Variants in DAP observed in about 807,000 individuals in gnomAD.
DAP encodes death-associated protein 1.
DAP carries 8 observed loss-of-function variants against 13.8 expected under a neutral mutation model. That is an observed-to-expected ratio of 0.58 (90% CI 0.34 to 1.05). The LOEUF (loss-of-function observed/expected upper bound fraction) is 1.05. Among genes scored for constraint, DAP ranks in the 50% least tolerant of loss-of-function variants. DAP has a pLI of 0.03. For missense variants in DAP, 106 were observed against 133.2 expected, an observed-to-expected ratio of 0.80 and a Z score of 1.01; for synonymous variants, 47 against 47.5, an observed-to-expected ratio of 0.99 and a Z score of 0.04.
At chr5:10,749,743 C>T (rs1256732192) in intron 1 of DAP, among the ~76,000 whole-genome samples, 4 of 118,634 alleles carry the variant, frequency 3.4e-5, no homozygotes, top group African/African-American at 6.3e-5. Context: ...GACCACACAA[C>T]TTTTTTTTTT....
intron 2 of DAP, among the ~76,000 whole-genome samples, chr5:10,740,510 G>A (rs1324183478): frequency 2.6e-5 from 4 of 152,038 alleles, no homozygotes; most frequent in Admixed American, 1.3e-4. Flanking sequence ...TTGAAAAACA[G>A]AAATAAAGAG....
In DAP at chr5:10,715,594, G is replaced by A. The variant is rs142412564; in HGVS notation, c.153-32023C>T. On this transcript the variant is annotated intron_variant, in intron 2 of 3. Transcript: ENST00000230895. ...AAAGGTACTTTTGAAGAAGCTGCTG[G>A]GTCATTTCTAGGTACATAGCACCTC... Among the ~76,000 whole-genome samples the A allele has an allele frequency of 4.5e-3, 685 of 152,282 alleles. 4 individuals are homozygous for A. The highest frequency in any genetic ancestry group is 0.015 in the African/African-American group (628 of 41,566).
At chr5:10,682,378 C>T (rs185062618) in intron 3 of DAP, among the ~76,000 whole-genome samples, 38 of 148,872 alleles carry the variant, frequency 2.6e-4, no homozygotes, top group Non-Finnish European at 4.7e-4. Context: ...CCACCAGTGT[C>T]GCTGGAGGAA....
intron 2 of DAP, among the ~76,000 whole-genome samples, chr5:10,741,749 C>T (rs369784453): frequency 1.3e-5 from 2 of 152,214 alleles, no homozygotes; most frequent in Non-Finnish European, 2.9e-5. Context: ...ATCAAACACA[C>T]GTAGCACCTT....
intron 2 of DAP, among the ~76,000 whole-genome samples, chr5:10,711,007 G>A (rs1738834500): frequency 6.6e-6 from 1 of 152,196 alleles, no homozygotes; most frequent in African/African-American, 2.4e-5. Flanking sequence ...AAGAGACAAA[G>A]AGAAAAGGCA....
At chr5:10,717,582 C>T (rs1739022874) in intron 2 of DAP, among the ~76,000 whole-genome samples, 1 of 152,180 alleles carries the variant, frequency 6.6e-6, no homozygotes. Flanking sequence ...GAGATAAACC[C>T]TGCGCTGCCT....
intron 2 of DAP, among the ~76,000 whole-genome samples, chr5:10,711,802 T>C (rs55764679): frequency 0.042 from 6,427 of 152,274 alleles, 200 homozygotes; most frequent in South Asian, 0.082. Context: ...GCAAGTTAGT[T>C]TTTCATTGAA....
At chr5:10,716,574 A>C (rs1175146867) in intron 2 of DAP, among the ~76,000 whole-genome samples, 2 of 152,112 alleles carry the variant, frequency 1.3e-5, no homozygotes, top group South Asian at 4.1e-4. Flanking sequence ...AGGCAGAAAA[A>C]CATGAAGCAA....
intron 2 of DAP, among the ~76,000 whole-genome samples, chr5:10,689,572 G>A (rs1738249810): frequency 6.6e-6 from 1 of 152,226 alleles, no homozygotes; most frequent in African/African-American, 2.4e-5. Context: ...TAAAGACAGA[G>A]GATGTCAATG....
intron 2 of DAP, among the ~76,000 whole-genome samples, chr5:10,742,503 G>A (rs1005164960): frequency 5.9e-5 from 9 of 152,074 alleles, no homozygotes; most frequent in African/African-American, 2.2e-4. Context: ...CTCCAGCATG[G>A]GCAACAAGAG....
At chr5:10,681,258 C>G in intron 3 of DAP, 89 bp from the exon 4 acceptor site, 1 of 1,032,698 alleles carries the variant, frequency 9.7e-7, no homozygotes, top group Non-Finnish European at 1.4e-6. Flanking sequence ...CCACCAGCGT[C>G]CCTGCGGAAG....
chr5:10,720,329 G>A (rs1739104928), intron 2 of DAP, among the ~76,000 whole-genome samples: 1 of 152,138 alleles, frequency 6.6e-6, no homozygotes, highest in Admixed American at 6.5e-5. Flanking sequence ...GGGTCAGAAA[G>A]CACCCTGGAT....
At chr5:10,753,100 C>T (rs1450671287) in intron 1 of DAP, among the ~76,000 whole-genome samples, 1 of 152,164 alleles carries the variant, frequency 6.6e-6, no homozygotes, top group African/African-American at 2.4e-5. Context: ...CATTACATCA[C>T]CACCTGAGGA....
At chr5:10,682,100 GGT>G (rs1334577313) in intron 3 of DAP, among the ~76,000 whole-genome samples, 2 of 140,846 alleles carry the variant, frequency 1.4e-5, no homozygotes, top group Admixed American at 7.1e-5. Flanking sequence ...AGAAGCGTGG[GGT>G]TTGTATGTGA....
intron 2 of DAP, among the ~76,000 whole-genome samples, chr5:10,689,297 C>G (rs1464952403): frequency 6.6e-6 from 1 of 152,088 alleles, no homozygotes; most frequent in Non-Finnish European, 1.5e-5. Context: ...GCTCAAGACA[C>G]TGTCCCATCG....
At position 10,680,789 on chromosome 5, in the gene DAP, C is replaced by T; in HGVS notation, c.*267G>A. 2 of 1,536,710 alleles carry T rather than the reference C, an allele frequency of 1.3e-6. No individual in the cohort carries two copies. Among genetic ancestry groups the T allele is most frequent in the Non-Finnish European group, 8.7e-7 (1 of 1,147,016 alleles). The stretch of plus-strand genomic sequence containing the variant: ...AAATAGAACTAAAGCTAAAATTTTT[C>T]TCGGATCTTGGCAAATTCTGCTAAT... On this transcript the variant is annotated 3_prime_UTR_variant, in exon 4 of 4. Transcript: ENST00000230895.
chr5:10,687,779 T>C (rs1218709900), intron 2 of DAP, among the ~76,000 whole-genome samples: 1 of 152,176 alleles, frequency 6.6e-6, no homozygotes. Context: ...GATGACTGAC[T>C]CCATTTTTGA....
chr5:10,694,240 G>C (rs1282801323), intron 2 of DAP, among the ~76,000 whole-genome samples: 2 of 152,198 alleles, frequency 1.3e-5, no homozygotes, highest in African/African-American at 4.8e-5. Flanking sequence ...GTGTGGGCTA[G>C]AGTGTTGGAT....
At chr5:10,742,837 A>C (rs1001242367) in intron 2 of DAP, among the ~76,000 whole-genome samples, 1 of 152,192 alleles carries the variant, frequency 6.6e-6, no homozygotes, top group Non-Finnish European at 1.5e-5. Context: ...AGGCCCTCTC[A>C]GTGAACAAAG....
Sources: allele counts gnomAD v4.1 joint callset (sites outside exome capture counted in the v4.1 genomes callset), GRCh38; gene constraint gnomAD v4.1.1; transcripts MANE v1.5; gene names NCBI Gene and HGNC (gene_info 2026-07-23, HGNC 2026-07-21).